OSBPL3: variants seen among roughly 807,000 people sequenced by gnomAD.
OSBPL3 encodes oxysterol binding protein like 3.
Under a neutral mutation model 120.1 loss-of-function variants are expected in OSBPL3, and 65 were observed. The observed-to-expected ratio is 0.54, with a 90% CI of 0.44 to 0.67. OSBPL3 has a LOEUF of 0.67. Ranked by LOEUF, OSBPL3 falls within the 30% of genes least tolerant of loss-of-function variation. The pLI is 0.00. For synonymous variants in OSBPL3, 416 were observed against 402.6 expected (o/e 1.03, Z -0.40); for missense variants, 1,004 against 1,082.1 (o/e 0.93, Z 1.01).
Position 24,900,811 on chromosome 7 carries a change from A to G in OSBPL3, c.-149-8190T>C, listed in dbSNP as rs1806873779. Among the ~76,000 whole-genome samples, 1 of 152,156 alleles carries G rather than the reference A, an allele frequency of 6.6e-6. No individual in the cohort carries two copies. The highest frequency in any genetic ancestry group is 1.5e-5 in the Non-Finnish European group (1 of 68,016). ...GGCGAAACCCCCATCTTTACAAAAA[A>G]TATTAGGTTGGTGTGAAAGTAAGTG... On this transcript the variant is annotated intron_variant, in intron 1 of 22. Coordinates refer to ENST00000313367, the MANE Select transcript of OSBPL3 (RefSeq NM_015550.4). This position sits in a 1 kb window ranked among gnomAD's most constrained non-coding sequence, Gnocchi z 4.5.
chr7:24,798,171 A>G lies in OSBPL3; in HGVS notation c.*2012T>C, dbSNP rs546336900. On this transcript the variant is annotated 3_prime_UTR_variant, in exon 23 of 23. Coordinates refer to ENST00000313367, the MANE Select transcript of OSBPL3 (RefSeq NM_015550.4). The surrounding 1 kb of genome is among the most constrained non-coding windows in gnomAD (Gnocchi z 4.6). ...TGTCCCTGGGACTCTAAAATAAAGC[A>G]TAAGGGCAAGTGAAATAACATTAGG... is the stretch of plus-strand genomic sequence containing the variant. The G allele has an allele frequency of 1.8e-4, 28 of 152,322 alleles. No homozygotes were observed. The highest frequency in any genetic ancestry group is 5.5e-4 in the African/African-American group (23 of 41,588). The allele number at this position is 152,322 out of a possible 1,614,324, so 9.4% of individuals were successfully genotyped here.
In OSBPL3 at chr7:24,855,470, G is replaced by T. The variant is rs1464352713; in HGVS notation, c.1028-2836C>A. Among the ~76,000 whole-genome samples the T allele has an allele frequency of 6.6e-6, 1 of 152,148 alleles. No individual in the cohort carries two copies. Among genetic ancestry groups the T allele is most frequent in the African/African-American group, 2.4e-5 (1 of 41,436 alleles). On this transcript the variant is annotated intron_variant, in intron 10 of 22. Coordinates refer to ENST00000313367, the MANE Select transcript of OSBPL3 (RefSeq NM_015550.4). This position sits in a 1 kb window ranked among gnomAD's most constrained non-coding sequence, Gnocchi z 4.3. ...GCAATAGGTGTAAGATAAGCAGAAAGAAACTCATATAGTCATTATATTTTA... is the reference window on the plus strand; with the variant it reads ...GCAATAGGTGTAAGATAAGCAGAAATAAACTCATATAGTCATTATATTTTA...
chr7:24,834,353 T>C lies in OSBPL3; in HGVS notation c.1746+133A>G, dbSNP rs781752441. On this transcript the variant is annotated intron_variant, in intron 15 of 22. Transcript: ENST00000313367. This position sits in a 1 kb window ranked among gnomAD's most constrained non-coding sequence, Gnocchi z 5.2. Reference sequence around the variant, plus strand: ...GCGGAGGAAGCCAGACAGCTCTGAGTAATGAACCTGTTTACGGAACAATCA... The same window carrying C: ...GCGGAGGAAGCCAGACAGCTCTGAGCAATGAACCTGTTTACGGAACAATCA... 4.7e-6 allele frequency: 7 copies of C among 1,503,688 alleles called. No homozygotes were observed. The Admixed American group carries it at 1.4e-4, about 30-fold the overall frequency. The allele number at this position is 1,503,688 out of a possible 1,614,324, so 93.1% of individuals were successfully genotyped here. A position where few individuals can be genotyped will look rare whatever the true frequency, so the allele number is the denominator to read the frequency against.
chr7:24,895,554 A>G (rs1806018466), intron 1 of OSBPL3, among the ~76,000 whole-genome samples: 2 of 152,194 alleles, frequency 1.3e-5, no homozygotes, highest in South Asian at 2.1e-4. Flanking sequence ...ATAAAGAAAG[A>G]AGGCAGCTGT....
rs1253064709 is a variant in OSBPL3 at position 24,820,490 on chromosome 7, C to T, written c.1885-252G>A. 6.6e-6 allele frequency among the ~76,000 whole-genome samples: 1 copy of T among 151,974 alleles called. No individual in the cohort carries two copies. The highest frequency in any genetic ancestry group is 1.5e-5 in the Non-Finnish European group (1 of 68,010). The stretch of plus-strand genomic sequence containing the variant: ...GCCTCCAGAAGCCTCCGTGGGAGGG[C>T]GGCCAGGTGGCGAGTGATGAGGATA... On this transcript the variant is annotated intron_variant, in intron 16 of 22. Transcript: ENST00000313367. The surrounding 1 kb of genome is among the most constrained non-coding windows in gnomAD (Gnocchi z 4.6).
chr7:24,860,154 G>A (rs1300218577), intron 10 of OSBPL3, among the ~76,000 whole-genome samples: 1 of 152,086 alleles, frequency 6.6e-6, no homozygotes, highest in East Asian at 1.9e-4. Flanking sequence ...TTTATCACAT[G>A]TCCACATTCC....
chr7:24,886,377 T>C, intron 2 of OSBPL3, among the ~76,000 whole-genome samples: 1 of 152,238 alleles, frequency 6.6e-6, no homozygotes, highest in East Asian at 1.9e-4. Flanking sequence ...ACCACAGGTA[T>C]AGAAGAACAT....
chr7:24,918,259 T>C lies in OSBPL3; in HGVS notation c.-149-25638A>G, dbSNP rs1379280512. ...AGAAGCTGGCAGTGTGCTTTCCTAC[T>C]TGACCCTATCCTCCCTAAGTTTCCC... On this transcript the variant is annotated intron_variant, in intron 1 of 22. Transcript: ENST00000313367. This position sits in a 1 kb window ranked among gnomAD's most constrained non-coding sequence, Gnocchi z 4.3. 6.6e-6 allele frequency among the ~76,000 whole-genome samples: 1 copy of C among 152,196 alleles called. No individual in the cohort carries two copies. The highest frequency in any genetic ancestry group is 2.4e-5 in the African/African-American group (1 of 41,452).
chr7:24,860,353 T>A (rs1465205638), intron 10 of OSBPL3, among the ~76,000 whole-genome samples: 1 of 152,222 alleles, frequency 6.6e-6, no homozygotes, highest in Non-Finnish European at 1.5e-5. Flanking sequence ...TCTTGAATTA[T>A]AGCTCCCATA....
In OSBPL3 at chr7:24,947,361, G is replaced by T. The variant is rs1166859880; in HGVS notation, c.-150+32525C>A. On this transcript the variant is annotated intron_variant, in intron 1 of 22. Transcript: ENST00000313367. This position sits in a 1 kb window ranked among gnomAD's most constrained non-coding sequence, Gnocchi z 4.4. ...TCTGAATAAAGCTCTTCCAGGTAGA[G>T]TTCAATGGCTACAGAAGGAATCAGC... 6.6e-6 allele frequency among the ~76,000 whole-genome samples: 1 copy of T among 152,186 alleles called. No homozygotes were observed. Among genetic ancestry groups the T allele is most frequent in the Non-Finnish European group, 1.5e-5 (1 of 68,028 alleles).
In OSBPL3 at chr7:24,804,550, CG is replaced by C. The variant is rs1792795779; in HGVS notation, c.2445-114del. The C allele has an allele frequency of 1.1e-6, 1 of 914,026 alleles. No individual in the cohort carries two copies. Among genetic ancestry groups the C allele is most frequent in the African/African-American group, 1.7e-5 (1 of 59,226 alleles). The allele number at this position is 914,026 out of a possible 1,614,324, so 56.6% of individuals were successfully genotyped here. A position where few individuals can be genotyped will look rare whatever the true frequency, so the allele number is the denominator to read the frequency against. ...TGGATATTCAAAATCCTCTCCTATACGTAAGACCCCGCCCCAACCGTTTAAT... is the reference window on the plus strand; with the variant it reads ...TGGATATTCAAAATCCTCTCCTATACTAAGACCCCGCCCCAACCGTTTAAT... On this transcript the variant is annotated intron_variant, in intron 21 of 22. Transcript: ENST00000313367. The surrounding 1 kb of genome is among the most constrained non-coding windows in gnomAD (Gnocchi z 5.4).
chr7:24,941,432 G>A (rs1010395935), intron 1 of OSBPL3, among the ~76,000 whole-genome samples: 3 of 151,982 alleles, frequency 2.0e-5, no homozygotes, highest in African/African-American at 4.8e-5. Context: ...ATCATCTCTC[G>A]CCTACCTGAC....
chr7:24,917,065 A>G (rs1809668628), intron 1 of OSBPL3, among the ~76,000 whole-genome samples: 1 of 152,132 alleles, frequency 6.6e-6, no homozygotes, highest in Admixed American at 6.6e-5. Context: ...TTGTAACTAT[A>G]TACAATTTGC....
rs1816664632 is a variant in OSBPL3, at chr7:24,968,713, T to C, written c.-150+11173A>G. Among the ~76,000 whole-genome samples the C allele has an allele frequency of 6.6e-6, 1 of 152,328 alleles. No homozygotes were observed. Among genetic ancestry groups the C allele is most frequent in the Non-Finnish European group, 1.5e-5 (1 of 68,026 alleles). ...CGCCAGCCTCAGCCCACCAATTTTA[T>C]CCATGTGTGCATATATGCATGAATA... On this transcript the variant is annotated intron_variant, in intron 1 of 22. Transcript: ENST00000313367. This position sits in a 1 kb window ranked among gnomAD's most constrained non-coding sequence, Gnocchi z 4.6.
At chr7:24,876,551 C>G (rs1802876448) in intron 2 of OSBPL3, among the ~76,000 whole-genome samples, 1 of 151,824 alleles carries the variant, frequency 6.6e-6, no homozygotes, top group African/African-American at 2.4e-5. Context: ...TTAGTAGGAA[C>G]TAAGAGATTT....
At chr7:24,839,989 C>CA (rs1797508099) in intron 14 of OSBPL3, among the ~76,000 whole-genome samples, 1 of 65,312 alleles carries the variant, frequency 1.5e-5, no homozygotes, top group African/African-American at 5.4e-5. Flanking sequence ...GACTCCATCT[C>CA]ACAAAAAAAA....
At chr7:24,928,278 G>A (rs1388233946) in intron 1 of OSBPL3, among the ~76,000 whole-genome samples, 3 of 145,972 alleles carry the variant, frequency 2.1e-5, no homozygotes, top group South Asian at 2.2e-4. Flanking sequence ...TGCAAACTCC[G>A]CCTCCCAGGT....
chr7:24,974,045 A>G (rs1459711828), intron 1 of OSBPL3, among the ~76,000 whole-genome samples: 1 of 152,222 alleles, frequency 6.6e-6, no homozygotes, highest in Non-Finnish European at 1.5e-5. Flanking sequence ...ATGTTTAAAA[A>G]TTGAGGTATT....
intron 1 of OSBPL3, among the ~76,000 whole-genome samples, chr7:24,974,942 T>C (rs1201465599): frequency 1.3e-5 from 2 of 152,212 alleles, no homozygotes; most frequent in Non-Finnish European, 2.9e-5. Flanking sequence ...ACTCTGAATA[T>C]ACTAAAATCC....
Sources: allele counts gnomAD v4.1 joint callset (sites outside exome capture counted in the v4.1 genomes callset), GRCh38; gene constraint gnomAD v4.1.1; non-coding constraint Gnocchi (gnomAD v3.1); transcripts MANE v1.5; gene names NCBI Gene and HGNC (gene_info 2026-07-23, HGNC 2026-07-21).